Variants in ZNF600 observed in about 807,000 individuals in gnomAD.
The protein encoded by ZNF600 is zinc finger protein KR-ZNF1.
A neutral mutation model predicts 7.3 loss-of-function variants in ZNF600; 4 were observed. The observed-to-expected ratio is 0.55, with a 90% CI of 0.27 to 1.25. ZNF600 has a LOEUF of 1.25. Ranked by LOEUF, ZNF600 falls within the 50% of genes most tolerant of loss-of-function variation. The probability of loss-of-function intolerance (pLI) is 0.12; values close to 1 mark genes in which losing one functional copy is unlikely to be tolerated. For missense variants in ZNF600, 911 were observed against 922.1 expected (o/e 0.99, Z 0.16); for synonymous variants, 290 against 308.9 (o/e 0.94, Z 0.64).
the ZNF600 span, among the ~76,000 whole-genome samples, chr19:52,833,526 A>C: frequency 6.6e-6 from 1 of 152,180 alleles, no homozygotes; most frequent in Non-Finnish European, 1.5e-5. Flanking sequence ...AGATTAATCC[A>C]AAGAGGAATA....
exon 4 of ZNF600, chr19:52,767,236 T>C (rs1267556603): frequency 6.2e-7 from 1 of 1,614,046 alleles, no homozygotes; most frequent in Non-Finnish European, 8.5e-7. Context: ...AAGAGTGAGC[T>C]ACAATTAAAG....
At chr19:52,784,099 A>C (rs2062745470) in intron 1 of ZNF600, among the ~76,000 whole-genome samples, 1 of 152,174 alleles carries the variant, frequency 6.6e-6, no homozygotes, top group Non-Finnish European at 1.5e-5. Flanking sequence ...AATAATAATT[A>C]GTAGGTAGGC....
chr19:52,774,330 G>A (rs2062654680), intron 3 of ZNF600, among the ~76,000 whole-genome samples: 1 of 151,916 alleles, frequency 6.6e-6, no homozygotes, highest in Non-Finnish European at 1.5e-5. Flanking sequence ...CCAGGAGGCT[G>A]AGGCAGGAGA....
chr19:52,830,786 T>A, the ZNF600 span, among the ~76,000 whole-genome samples: 1 of 150,204 alleles, frequency 6.7e-6, no homozygotes, highest in African/African-American at 2.5e-5. Context: ...GATCAATGTA[T>A]CATGTGAGGC....
At chr19:52,803,765 T>C in the ZNF600 span, among the ~76,000 whole-genome samples, 21 of 152,076 alleles carry the variant, frequency 1.4e-4, no homozygotes, top group African/African-American at 4.8e-4. Context: ...GAGACCAGCC[T>C]GGGCAACATG....
chr19:52,808,156 C>G, the ZNF600 span: 3 of 1,611,748 alleles, frequency 1.9e-6, no homozygotes, highest in Admixed American at 1.7e-5. Flanking sequence ...CACATTTTAA[C>G]CAAATGGTTA....
the ZNF600 span, chr19:52,800,203 C>A: frequency 1.2e-6 from 2 of 1,613,372 alleles, no homozygotes; most frequent in East Asian, 4.5e-5. Context: ...TACGGTTTCT[C>A]TGCAGTATGA....
At chr19:52,820,682 A>G in the ZNF600 span, among the ~76,000 whole-genome samples, 6 of 152,116 alleles carry the variant, frequency 3.9e-5, no homozygotes, top group Admixed American at 2.6e-4. Flanking sequence ...ATGAGCCTCC[A>G]CATTTCTGCC....
chr19:52,790,382 A>T (rs1274726080), upstream of ZNF600, among the ~76,000 whole-genome samples: 1 of 152,196 alleles, frequency 6.6e-6, no homozygotes, highest in African/African-American at 2.4e-5. Context: ...CTTTAGCCCC[A>T]GCTACTTGGA....
chr19:52,782,634 G>A (rs1161525354), intron 1 of ZNF600, among the ~76,000 whole-genome samples: 1 of 152,160 alleles, frequency 6.6e-6, no homozygotes, highest in Non-Finnish European at 1.5e-5. Flanking sequence ...AACACTTCGG[G>A]AGGCCGAGGC....
chr19:52,774,479 G>T, intron 3 of ZNF600, 96 bp downstream of exon 5: 7 of 882,324 alleles, frequency 7.9e-6, no homozygotes, highest in Non-Finnish European at 9.4e-6. Flanking sequence ...AAAAAGCCAT[G>T]CATGGGGCAA....
At position 52,786,796 on chromosome 19, in the gene ZNF600, C is replaced by A; in HGVS notation, c.-221G>T. On this transcript the variant is annotated 5_prime_UTR_variant, in exon 1 of 4. Coordinates refer to ENST00000648973, the Ensembl canonical transcript of ZNF600. ...GGTTTGTGCGCGCCCAGGACTGAAG[C>A]CAGGCCGGGGCAGGTTGGCTGGACC... is the stretch of plus-strand genomic sequence containing the variant. 2 of 368,898 alleles carry A rather than the reference C, an allele frequency of 5.4e-6. No homozygotes were observed. The highest frequency in any genetic ancestry group is 4.0e-5 in the South Asian group (2 of 50,574). The allele number at this position is 368,898 out of a possible 1,614,324, so 22.9% of individuals were successfully genotyped here.
the ZNF600 span, among the ~76,000 whole-genome samples, chr19:52,793,015 C>T: frequency 5.3e-5 from 8 of 151,818 alleles, no homozygotes; most frequent in Admixed American, 1.3e-4. Flanking sequence ...GGATTACAGG[C>T]GTGAGCCACT....
chr19:52,788,096 C>T (rs991485669), upstream of ZNF600, among the ~76,000 whole-genome samples: 2 of 151,450 alleles, frequency 1.3e-5, no homozygotes, highest in African/African-American at 4.8e-5. Flanking sequence ...CATCTCCATC[C>T]ATCTCTGGTG....
At chr19:52,809,881 G>C in the ZNF600 span, 1 of 740,190 alleles carries the variant, frequency 1.4e-6, no homozygotes, top group Non-Finnish European at 2.3e-6. Flanking sequence ...GGCGGTCCGG[G>C]ATCCAGGCCG....
At chr19:52,800,876 T>A in the ZNF600 span, 1 of 1,614,024 alleles carries the variant, frequency 6.2e-7, no homozygotes, top group Non-Finnish European at 8.5e-7. Flanking sequence ...ATGGTTTCCC[T>A]CCAGTATAAA....
At chr19:52,794,337 C>A in the ZNF600 span, among the ~76,000 whole-genome samples, 4 of 152,154 alleles carry the variant, frequency 2.6e-5, no homozygotes, top group African/African-American at 9.7e-5. Context: ...AAAAGCCACA[C>A]ACTTATTTGG....
At chr19:52,801,104 T>C in the ZNF600 span, 585 of 1,614,190 alleles carry the variant, frequency 3.6e-4, 3 homozygotes, top group African/African-American at 6.5e-3. Context: ...CCTTGCCATA[T>C]ACATCACATT....
At chr19:52,809,825 C>CA in the ZNF600 span, 3 of 529,916 alleles carry the variant, frequency 5.7e-6, no homozygotes, top group Non-Finnish European at 6.6e-6. Context: ...GCGGCGAAGG[C>CA]GGCGGCGGCG....
Sources: gnomAD v4.1 joint callset for allele counts (sites outside exome capture counted in the v4.1 genomes callset) on GRCh38, gnomAD v4.1.1 for gene constraint, MANE v1.5 for transcripts, NCBI Gene and HGNC (gene_info 2026-07-23, HGNC 2026-07-21) for gene names.